The following CDYL variants were observed in gnomAD, a reference collection of about 807,000 sequenced individuals.
The protein encoded by CDYL is chromodomain Y like.
Under a neutral mutation model 47.3 loss-of-function variants are expected in CDYL, and 8 were observed. The ratio of observed to expected loss-of-function variants is 0.17; its 90% CI spans 0.10 to 0.31. The LOEUF (loss-of-function observed/expected upper bound fraction) is 0.31, where lower values mean the gene tolerates loss of function less well. Ranked by LOEUF, CDYL falls within the 10% of genes least tolerant of loss-of-function variation. CDYL has a pLI of 1.00. For synonymous variants in CDYL, 266 were observed against 265.0 expected (o/e 1.00, Z -0.04); for missense variants, 471 against 701.4 (o/e 0.67, Z 3.71).
At chr6:4,779,546 C>CA (rs1277258641) in intron 1 of CDYL, among the ~76,000 whole-genome samples, 1 of 151,894 alleles carries the variant, frequency 6.6e-6, no homozygotes, top group South Asian at 2.1e-4. Context: ...GCTTTGTGAA[C>CA]AAAAAATAAA....
At chr6:4,799,450 T>A (rs898822398) in intron 1 of CDYL, among the ~76,000 whole-genome samples, 2 of 152,096 alleles carry the variant, frequency 1.3e-5, no homozygotes, top group Admixed American at 6.6e-5. Flanking sequence ...CCCATTTTTT[T>A]TTTATTTTTT....
At chr6:4,952,956 C>T (rs533102077) in intron 6 of CDYL, among the ~76,000 whole-genome samples, 32 of 152,030 alleles carry the variant, frequency 2.1e-4, no homozygotes, top group Middle Eastern at 3.4e-3. Flanking sequence ...TCAGTAGACA[C>T]GGAGTCTCAC....
intron 3 of CDYL, among the ~76,000 whole-genome samples, chr6:4,936,559 T>C (rs1427324167): frequency 1.3e-5 from 2 of 152,210 alleles, no homozygotes; most frequent in African/African-American, 2.4e-5. Context: ...GCAGAGTCCC[T>C]TCATTGATTA....
intron 2 of CDYL, among the ~76,000 whole-genome samples, chr6:4,729,001 C>CTT (rs1757559398): frequency 6.6e-6 from 1 of 152,200 alleles, no homozygotes; most frequent in Non-Finnish European, 1.5e-5. Context: ...TCCCAAAGAT[C>CTT]TTTCCTCCCA....
At chr6:4,748,985 A>G (rs1423438381) in intron 3 of CDYL, among the ~76,000 whole-genome samples, 2 of 152,240 alleles carry the variant, frequency 1.3e-5, no homozygotes, top group East Asian at 3.8e-4. Context: ...CACACAGAGG[A>G]TGGAAGTGAC....
Position 4,887,649 on chromosome 6 carries a change from T to C in CDYL, c.25-4064T>C, listed in dbSNP as rs942899512. 2.6e-5 allele frequency among the ~76,000 whole-genome samples: 4 copies of C among 152,182 alleles called. No individual in the cohort carries two copies. In the East Asian group the frequency reaches 7.7e-4, roughly 29 times the overall value. ...CATATGCAAATAGCAATAATTGTAC[T>C]TCTTCCTTTCCAATTCAGATACCTT... On this transcript the variant is annotated intron_variant, in intron 1 of 6. Transcript: ENST00000397588.
chr6:4,794,306 A>G (rs898645176), intron 1 of CDYL, among the ~76,000 whole-genome samples: 1 of 152,068 alleles, frequency 6.6e-6, no homozygotes, highest in African/African-American at 2.4e-5. Context: ...AACGAGCCCC[A>G]CTGTGTTTGG....
chr6:4,945,694 G>A (rs770016270), intron 5 of CDYL, among the ~76,000 whole-genome samples: 1 of 152,220 alleles, frequency 6.6e-6, no homozygotes, highest in African/African-American at 2.4e-5. Context: ...ATCAGAAAAC[G>A]CTGCTGCCCA....
intron 1 of CDYL, among the ~76,000 whole-genome samples, chr6:4,834,201 G>A (rs1313045321): frequency 2.0e-5 from 3 of 152,182 alleles, no homozygotes; most frequent in African/African-American, 4.8e-5. Flanking sequence ...TGATTTTGCA[G>A]CGGCTGGTAC....
intron 1 of CDYL, among the ~76,000 whole-genome samples, chr6:4,777,028 G>GT (rs1463783574): frequency 5.4e-5 from 8 of 149,450 alleles, no homozygotes; most frequent in South Asian, 2.1e-4. Context: ...TGGGGTGGGG[G>GT]GGGGGGTCCC....
chr6:4,853,235 A>G (rs1760904291), intron 1 of CDYL, among the ~76,000 whole-genome samples: 1 of 152,234 alleles, frequency 6.6e-6, no homozygotes, highest in African/African-American at 2.4e-5. Flanking sequence ...TACATTTGTC[A>G]GGTACTGGTT....
At chr6:4,727,825 G>C (rs1380374357) in intron 2 of CDYL, among the ~76,000 whole-genome samples, 1 of 152,090 alleles carries the variant, frequency 6.6e-6, no homozygotes, top group Admixed American at 6.5e-5. Flanking sequence ...CTTTAGCAAG[G>C]CTGGTGGTGA....
chr6:4,799,532 ACTTCT>A (rs1759168204), intron 1 of CDYL, among the ~76,000 whole-genome samples: 1 of 151,802 alleles, frequency 6.6e-6, no homozygotes, highest in Non-Finnish European at 1.5e-5. Context: ...CATAGCTTCC[ACTTCT>A]CAGGCTCAGA....
At chr6:4,897,587 C>T (rs989930667) in intron 2 of CDYL, among the ~76,000 whole-genome samples, 1 of 152,084 alleles carries the variant, frequency 6.6e-6, no homozygotes, top group Non-Finnish European at 1.5e-5. Flanking sequence ...GATTTAGTCT[C>T]AGAAATTAGA....
At chr6:4,766,844 A>G (rs1001724812) in intron 3 of CDYL, among the ~76,000 whole-genome samples, 5 of 151,908 alleles carry the variant, frequency 3.3e-5, no homozygotes, top group Non-Finnish European at 7.4e-5. Flanking sequence ...TTCTCCACAA[A>G]AAAAAAGTTG....
At chr6:4,865,745 C>A (rs1761302382) in intron 1 of CDYL, among the ~76,000 whole-genome samples, 1 of 152,140 alleles carries the variant, frequency 6.6e-6, no homozygotes, top group South Asian at 2.1e-4. Context: ...TATAGTTCTC[C>A]ATGAAGATAA....
At chr6:4,745,160 A>G (rs965109571) in intron 3 of CDYL, among the ~76,000 whole-genome samples, 1 of 152,086 alleles carries the variant, frequency 6.6e-6, no homozygotes, top group African/African-American at 2.4e-5. Flanking sequence ...AGGTCTCACT[A>G]TGTGGCTCAG....
chr6:4,879,466 C>T (rs1447084627), intron 1 of CDYL, among the ~76,000 whole-genome samples: 1 of 151,130 alleles, frequency 6.6e-6, no homozygotes, highest in Non-Finnish European at 1.5e-5. Flanking sequence ...CGGTAAACAC[C>T]AGCATTAAGA....
chr6:4,823,517 A>G (rs560357730), intron 1 of CDYL, among the ~76,000 whole-genome samples: 2 of 152,238 alleles, frequency 1.3e-5, no homozygotes, highest in African/African-American at 2.4e-5. Flanking sequence ...AATTTTAAGT[A>G]TATAATTCCC....
Sources: gnomAD v4.1 joint callset for allele counts (sites outside exome capture counted in the v4.1 genomes callset) on GRCh38, gnomAD v4.1.1 for gene constraint, MANE v1.5 for transcripts, NCBI Gene and HGNC (gene_info 2026-07-23, HGNC 2026-07-21) for gene names.